INTS4: variants seen among roughly 807,000 people sequenced by gnomAD.
The protein encoded by INTS4 is MSTP093.
Under a neutral mutation model 119.5 loss-of-function variants are expected in INTS4, and 70 were observed. The observed-to-expected ratio is 0.59, with a 90% CI of 0.48 to 0.71. The LOEUF is 0.71. INTS4 is among the 30% of genes least tolerant of loss of function. INTS4 has a pLI of 0.00. For missense variants in INTS4, 867 were observed against 1,173.2 expected (o/e 0.74, Z 3.81); for synonymous variants, 316 against 419.6 (o/e 0.75, Z 3.02).
chr11:77,959,824 T>C (rs1954420742), intron 6 of INTS4, among the ~76,000 whole-genome samples: 1 of 152,166 alleles, frequency 6.6e-6, no homozygotes, highest in Non-Finnish European at 1.5e-5. Flanking sequence ...TCAATTATCC[T>C]CCAAGAGAAA....
At chr11:77,935,120 A>C (rs1435490958) in intron 10 of INTS4, among the ~76,000 whole-genome samples, 1 of 152,206 alleles carries the variant, frequency 6.6e-6, no homozygotes, top group Non-Finnish European at 1.5e-5. Flanking sequence ...AGCATATGGA[A>C]ATCACAGGGG....
At chr11:77,978,908 A>C in intron 4 of INTS4, 88 bp downstream of exon 4, 2 of 749,344 alleles carry the variant, frequency 2.7e-6, no homozygotes, top group Admixed American at 2.2e-5. Flanking sequence ...AGATGAAAAA[A>C]ATAAGGCAGC....
chr11:77,900,511 G>C (rs1182068488), intron 18 of INTS4: 2 of 607,000 alleles, frequency 3.3e-6, no homozygotes, highest in Non-Finnish European at 5.9e-6. Context: ...GACCTAGTAT[G>C]TTTCTGTGTT....
In INTS4 at chr11:77,986,537, C is replaced by T. The variant is rs185758661; in HGVS notation, c.246+4571G>A. Among the ~76,000 whole-genome samples, 12 of 152,186 alleles carry T rather than the reference C, an allele frequency of 7.9e-5. 1 individual carries two copies. The highest frequency in any genetic ancestry group is 7.2e-5 in the African/African-American group (3 of 41,508). On this transcript the variant is annotated intron_variant, in intron 2 of 22. Transcript: ENST00000534064. ...ATGCTACTATAAAGATACATGTGCA[C>T]GTATGTTTATTGCGGCACTATTCAC...
intron 15 of INTS4, among the ~76,000 whole-genome samples, chr11:77,912,315 T>C (rs895115003): frequency 1.3e-5 from 2 of 151,526 alleles, no homozygotes; most frequent in East Asian, 1.9e-4. Context: ...TGAACCGAGA[T>C]TGCACCACTG....
At chr11:77,975,291 A>G (rs903682244) in intron 4 of INTS4, among the ~76,000 whole-genome samples, 1 of 151,970 alleles carries the variant, frequency 6.6e-6, no homozygotes, top group Non-Finnish European at 1.5e-5. Context: ...TATTCATCTC[A>G]AAGTATTTTC....
chr11:77,994,554 C>A, intron 1 of INTS4, 36 bp downstream of exon 1: 1 of 1,511,420 alleles, frequency 6.6e-7, no homozygotes, highest in African/African-American at 1.4e-5. Flanking sequence ...CTACCCTGGT[C>A]CGGATCGGTT....
In INTS4 at chr11:77,941,240, C is replaced by T. The variant is rs909204182; in HGVS notation, c.930G>A (p.Glu310=). 6.2e-7 allele frequency: 1 copy of T among 1,608,776 alleles called. No homozygotes were observed. The highest frequency in any genetic ancestry group is 8.5e-7 in the Non-Finnish European group (1 of 1,178,696). The stretch of plus-strand genomic sequence containing the variant: ...GCTCCAAGAAATGAGAACTGACTTG[C>T]TCCATAGAGCCCTATAAAAAGAAAA... ...VQAAKLLGSM[E]QVSSHFLEQT... The change falls in exon 9 of 23, where the codon GAG becomes GAA. Residue 310 remains glutamate, a synonymous_variant. Transcript: ENST00000534064.
chr11:77,901,768 T>A (rs1180378550), intron 17 of INTS4, among the ~76,000 whole-genome samples: 3 of 151,898 alleles, frequency 2.0e-5, no homozygotes. Flanking sequence ...GGTAATAAAA[T>A]CATCTTAGTT....
chr11:77,959,388 A>T (rs552300517), intron 6 of INTS4, among the ~76,000 whole-genome samples: 77 of 152,222 alleles, frequency 5.1e-4, no homozygotes, highest in African/African-American at 1.8e-3. Flanking sequence ...TATACTCAAC[A>T]CACGCAAACC....
intron 8 of INTS4, among the ~76,000 whole-genome samples, chr11:77,943,531 T>C (rs192996670): frequency 5.3e-4 from 81 of 152,220 alleles, no homozygotes; most frequent in African/African-American, 1.9e-3. Flanking sequence ...TACGAAAACA[T>C]AGAGAAACAG....
chr11:77,912,007 A>G (rs574224440), intron 15 of INTS4, among the ~76,000 whole-genome samples: 1 of 152,262 alleles, frequency 6.6e-6, no homozygotes, highest in Non-Finnish European at 1.5e-5. Context: ...TTTATTTGCT[A>G]TTAAACTCTT....
At chr11:77,895,527 GAAAAAAA>G (rs71046921) in intron 18 of INTS4, among the ~76,000 whole-genome samples, 10 of 39,258 alleles carry the variant, frequency 2.5e-4, no homozygotes, top group East Asian at 9.1e-4. Context: ...TTCTTTTCCT[GAAAAAAA>G]AAAAAAAAAA....
chr11:77,984,191 G>A (rs989029188), intron 2 of INTS4, among the ~76,000 whole-genome samples: 9 of 151,956 alleles, frequency 5.9e-5, no homozygotes, highest in African/African-American at 9.7e-5. Flanking sequence ...TTGAAATCAC[G>A]GAGACAAAAT....
At chr11:77,946,965 A>T (rs1793339) in intron 8 of INTS4, among the ~76,000 whole-genome samples, 7 of 150,874 alleles carry the variant, frequency 4.6e-5, no homozygotes, top group Non-Finnish European at 7.4e-5. Flanking sequence ...ATAAAAAAGA[A>T]CCAAACAGAA....
At chr11:77,878,584 A>G (rs1353545819), downstream of INTS4, 3 of 552,914 alleles carry the variant, frequency 5.4e-6, no homozygotes, top group African/African-American at 1.9e-5. Context: ...AAATAAGACT[A>G]TAGCTCAAAT....
chr11:77,956,850 T>A (rs1048481943), intron 7 of INTS4, among the ~76,000 whole-genome samples: 1 of 152,060 alleles, frequency 6.6e-6, no homozygotes, highest in Non-Finnish European at 1.5e-5. Flanking sequence ...GATAATTGAA[T>A]AGTTCAAATC....
intron 4 of INTS4, among the ~76,000 whole-genome samples, chr11:77,965,884 T>C (rs1305616346): frequency 6.6e-6 from 1 of 152,228 alleles, no homozygotes; most frequent in Non-Finnish European, 1.5e-5. Context: ...TATTTTTAGT[T>C]TTTTGAGACC....
intron 11 of INTS4, among the ~76,000 whole-genome samples, chr11:77,926,811 CAA>C (rs61446262): frequency 1.1e-3 from 118 of 103,452 alleles, no homozygotes; most frequent in South Asian, 1.9e-3. Context: ...GACTCAGCCT[CAA>C]AAAAAAAAAA....
Sources: gnomAD v4.1 joint callset for allele counts (sites outside exome capture counted in the v4.1 genomes callset) on GRCh38, gnomAD v4.1.1 for gene constraint, MANE v1.5 for transcripts, NCBI Gene and HGNC (gene_info 2026-07-23, HGNC 2026-07-21) for gene names.